The following CSMD2 variants were observed in gnomAD, a reference collection of about 807,000 sequenced individuals.
CSMD2 encodes the protein CUB and sushi domain-containing protein 2.
Under a neutral mutation model 398.5 loss-of-function variants are expected in CSMD2, and 130 were observed. That is an observed-to-expected ratio of 0.33 (90% CI 0.28 to 0.38). The LOEUF is 0.38. Ranked by LOEUF, CSMD2 falls within the 10% of genes least tolerant of loss-of-function variation. CSMD2 has a pLI of 1.00. For missense variants in CSMD2, 3,829 were observed against 4,764.9 expected (o/e 0.80, Z 5.78); for synonymous variants, 1,828 against 1,908.5 (o/e 0.96, Z 1.10).
At chr1:33,909,107 A>G (rs1000379349) in intron 5 of CSMD2, among the ~76,000 whole-genome samples, 1 of 152,290 alleles carries the variant, frequency 6.6e-6, no homozygotes, top group East Asian at 1.9e-4. Context: ...TTAGTCATGC[A>G]CCATCTGAGC....
In CSMD2 at chr1:33,825,762, A is replaced by G. The variant is rs138279321; in HGVS notation, c.1046T>C (p.Ile349Thr). 5.0e-6 allele frequency: 8 copies of G among 1,613,872 alleles called. No individual in the cohort carries two copies. In the African/African-American group the frequency reaches 6.7e-5, roughly 13 times the overall value. ...FSAQYQVKKQ[I>T]ELKSRGVKLM... Reference sequence around the variant, plus strand: ...CTTCACACCTCGAGACTTCAACTCAATTTGCTTCTTGACTAGAGAGGAGGT... The same window carrying G: ...CTTCACACCTCGAGACTTCAACTCAGTTTGCTTCTTGACTAGAGAGGAGGT... Residue 349 changes from isoleucine to threonine, a missense_variant, in exon 7 of 71, where the codon ATT becomes ACT. Physicochemically the swap from Ile to Thr is moderately conservative, Grantham distance 89. This residue lies in a region of CSMD2 where 2,001 missense variants were observed against 2,567.1 expected (regional missense o/e 0.78). Transcript: ENST00000373381.
intron 13 of CSMD2, among the ~76,000 whole-genome samples, chr1:33,760,806 T>A (rs1387634789): frequency 1.3e-5 from 2 of 152,106 alleles, no homozygotes; most frequent in African/African-American, 2.4e-5. Flanking sequence ...TGCTGATGGC[T>A]GTCTCCACGC....
chr1:33,897,325 T>G (rs1303820339), intron 5 of CSMD2, among the ~76,000 whole-genome samples: 1 of 152,210 alleles, frequency 6.6e-6, no homozygotes, highest in African/African-American at 2.4e-5. Flanking sequence ...GGATCAGACA[T>G]GAAGAGCTTC....
At chr1:34,142,046 G>A (rs1167671407) in intron 1 of CSMD2, among the ~76,000 whole-genome samples, 2 of 152,120 alleles carry the variant, frequency 1.3e-5, no homozygotes, top group African/African-American at 4.8e-5. Flanking sequence ...TCATAGAAAT[G>A]TGAGCTCCTT....
intron 5 of CSMD2, among the ~76,000 whole-genome samples, chr1:33,882,560 C>T (rs1195703986): frequency 6.6e-6 from 1 of 152,122 alleles, no homozygotes; most frequent in East Asian, 1.9e-4. Flanking sequence ...TGAAAACTTG[C>T]CTGTTTCTCT....
chr1:33,630,089 C>G (rs1049820575), intron 32 of CSMD2, among the ~76,000 whole-genome samples: 1 of 151,608 alleles, frequency 6.6e-6, no homozygotes, highest in Non-Finnish European at 1.5e-5. Flanking sequence ...TTCCTTCCTT[C>G]CTTGCTTCCT....
chr1:33,727,003 G>A (rs143825525), intron 15 of CSMD2, among the ~76,000 whole-genome samples: 1 of 152,230 alleles, frequency 6.6e-6, no homozygotes, highest in East Asian at 1.9e-4. Flanking sequence ...TCACTCAATT[G>A]TCAGGCCTGA....
chr1:33,688,797 T>C (rs967322267), intron 25 of CSMD2, among the ~76,000 whole-genome samples: 1 of 152,076 alleles, frequency 6.6e-6, no homozygotes, highest in African/African-American at 2.4e-5. Context: ...GTCTGGGCAA[T>C]AGAACAAGAC....
chr1:33,892,582 C>T (rs1334877492), intron 5 of CSMD2, among the ~76,000 whole-genome samples: 1 of 152,122 alleles, frequency 6.6e-6, no homozygotes, highest in Non-Finnish European at 1.5e-5. Context: ...TTTGGTTTTC[C>T]ACTCCTGAGC....
intron 2 of CSMD2, among the ~76,000 whole-genome samples, chr1:34,070,186 TGGA>T (rs1486244307): frequency 6.6e-6 from 1 of 152,240 alleles, no homozygotes; most frequent in African/African-American, 2.4e-5. Context: ...TAACTTACAC[TGGA>T]GGAAGAGTGC....
Position 33,692,071 on chromosome 1 carries a change from T to C in CSMD2, c.4052+859A>G, listed in dbSNP as rs189016621. 1.8e-3 allele frequency among the ~76,000 whole-genome samples: 267 copies of C among 152,358 alleles called. 2 individuals are homozygous for C. The highest frequency in any genetic ancestry group is 5.8e-3 in the South Asian group (28 of 4,830). The stretch of plus-strand genomic sequence containing the variant: ...AGAAATGCTATGCATCCTCTTGGAA[T>C]CTGAGTTTTCTCATCTATAAAATGG... On this transcript the variant is annotated intron_variant, in intron 25 of 70. Coordinates refer to ENST00000373381, the MANE Select transcript of CSMD2 (RefSeq NM_001281956.2).
chr1:33,937,167 G>A (rs779600651), intron 3 of CSMD2, among the ~76,000 whole-genome samples: 39 of 152,232 alleles, frequency 2.6e-4, no homozygotes, highest in Non-Finnish European at 5.6e-4. Context: ...AGAGCCTGAT[G>A]TACAGTGAGT....
intron 2 of CSMD2, among the ~76,000 whole-genome samples, chr1:34,054,144 G>A (rs780339335): frequency 6.6e-6 from 1 of 152,118 alleles, no homozygotes; most frequent in African/African-American, 2.4e-5. Context: ...TAACTAAGCT[G>A]TAGACTTTAT....
At chr1:33,823,123 G>A (rs547448128) in intron 7 of CSMD2, among the ~76,000 whole-genome samples, 7 of 152,202 alleles carry the variant, frequency 4.6e-5, no homozygotes, top group East Asian at 1.9e-4. Context: ...AAGCCCACCC[G>A]CCAAGCCACA....
intron 53 of CSMD2, among the ~76,000 whole-genome samples, chr1:33,567,232 A>C (rs1470053431): frequency 2.0e-5 from 3 of 152,012 alleles, no homozygotes; most frequent in Non-Finnish European, 4.4e-5. Context: ...TATAGGATAC[A>C]ATTAAAGCAG....
chr1:33,567,421 GA>G (rs1330714437), intron 53 of CSMD2, among the ~76,000 whole-genome samples, 171 bp downstream of exon 53: 1 of 138,834 alleles, frequency 7.2e-6, no homozygotes, highest in Non-Finnish European at 1.6e-5. Context: ...TAATGATGCA[GA>G]GAACTGAAAA....
rs267598563 is a variant in CSMD2, at chr1:33,626,579, C to T, written c.5203G>A (p.Glu1735Lys). 4.4e-6 allele frequency: 7 copies of T among 1,596,470 alleles called. No homozygotes were observed. The highest frequency in any genetic ancestry group is 5.1e-6 in the Non-Finnish European group (6 of 1,171,878). Residue 1735 changes from glutamate to lysine, a missense_variant and splice_region_variant, in exon 33 of 71, where the codon GAA becomes AAA. By Grantham distance (56) the Glu-to-Lys change is moderately conservative (BLOSUM62 1). Coordinates refer to ENST00000373381, the MANE Select transcript of CSMD2 (RefSeq NM_001281956.2). ...TTGGAGGTGGCCAAGGGCAGTGATT[C>T]TCCTGCCGAGATAAGGGGCAAGGAG... The part of the protein sequence containing the change: ...LSSLSGSHTG[E>K]SLPLATSNQV...
chr1:33,923,452 A>G (rs1644019376), intron 4 of CSMD2, among the ~76,000 whole-genome samples: 1 of 152,140 alleles, frequency 6.6e-6, no homozygotes, highest in South Asian at 2.1e-4. Context: ...GCAGATGCCA[A>G]TGCCATGCCT....
At position 34,164,821 on chromosome 1, in the gene CSMD2, G is replaced by C; in HGVS notation, c.187+90C>G. 1 of 1,073,722 alleles carries C rather than the reference G, an allele frequency of 9.3e-7. No homozygotes were observed. Among genetic ancestry groups the C allele is most frequent in the Non-Finnish European group, 1.2e-6 (1 of 856,508 alleles). The allele number at this position is 1,073,722 out of a possible 1,614,324, so 66.5% of individuals were successfully genotyped here. A position where few individuals can be genotyped will look rare whatever the true frequency, so the allele number is the denominator to read the frequency against. On this transcript the variant is annotated intron_variant, in intron 1 of 70. Transcript: ENST00000373381. This position sits in a 1 kb window ranked among gnomAD's most constrained non-coding sequence, Gnocchi z 6.2. ...ATTCAGGCAGGGATAGAGGCGGGGG[G>C]AGGGACTGGGACCGGGTCGAGGATG... is the stretch of plus-strand genomic sequence containing the variant.
Sources: gnomAD v4.1 joint callset for allele counts (sites outside exome capture counted in the v4.1 genomes callset) on GRCh38, gnomAD v4.1.1 for gene constraint, gnomAD v4.1.1 regional missense constraint, Gnocchi (gnomAD v3.1) non-coding constraint, MANE v1.5 for transcripts, NCBI Gene and HGNC (gene_info 2026-07-23, HGNC 2026-07-21) for gene names.